Variants in PGCKA1 observed in about 807,000 individuals in gnomAD.
PGCKA1 encodes PDCD10 and GCKIII kinases associated 1.
chr4:37,456,451 T>C, the PGCKA1 span, among the ~76,000 whole-genome samples: 1 of 152,216 alleles, frequency 6.6e-6, no homozygotes, highest in African/African-American at 2.4e-5. Context: ...ATACGTGTCC[T>C]GAAACAGAAA....
chr4:37,473,316 T>C, the PGCKA1 span, among the ~76,000 whole-genome samples: 2 of 152,218 alleles, frequency 1.3e-5, no homozygotes, highest in Non-Finnish European at 1.5e-5. Flanking sequence ...TTTTAGATAT[T>C]CATTATGTTT....
At chr4:37,521,207 G>A in the PGCKA1 span, among the ~76,000 whole-genome samples, 14 of 152,114 alleles carry the variant, frequency 9.2e-5, no homozygotes, top group East Asian at 1.2e-3. Flanking sequence ...AGCTATAAAC[G>A]TCCCTCTTAG....
At chr4:37,570,040 C>T in the PGCKA1 span, among the ~76,000 whole-genome samples, 1 of 136,968 alleles carries the variant, frequency 7.3e-6, no homozygotes, top group Non-Finnish European at 1.5e-5. Context: ...AGTACAGTGG[C>T]GCCATCTCGG....
chr4:37,538,157 T>G, the PGCKA1 span, among the ~76,000 whole-genome samples: 2 of 152,146 alleles, frequency 1.3e-5, no homozygotes, highest in Admixed American at 6.5e-5. Flanking sequence ...CAACTGGGAC[T>G]GGATCCAGTG....
the PGCKA1 span, among the ~76,000 whole-genome samples, chr4:37,459,405 A>T: frequency 2.6e-5 from 4 of 152,196 alleles, no homozygotes; most frequent in African/African-American, 9.7e-5. Context: ...ATCTCAAAAG[A>T]TCCTCACGTC....
chr4:37,480,054 A>G, the PGCKA1 span, among the ~76,000 whole-genome samples: 5 of 152,384 alleles, frequency 3.3e-5, no homozygotes, highest in South Asian at 1.0e-3. Context: ...ATAGAATTGA[A>G]TGATTCAAGG....
the PGCKA1 span, among the ~76,000 whole-genome samples, chr4:37,528,617 TA>T: frequency 6.6e-6 from 1 of 151,092 alleles, no homozygotes; most frequent in African/African-American, 2.4e-5. Context: ...TTTTAAAAAC[TA>T]AAAAAAAAGC....
chr4:37,510,445 G>C, the PGCKA1 span, among the ~76,000 whole-genome samples: 1 of 152,122 alleles, frequency 6.6e-6, no homozygotes, highest in Admixed American at 6.5e-5. Context: ...GATCACTGTG[G>C]TTCTTCCTAA....
At chr4:37,465,261 A>G in the PGCKA1 span, among the ~76,000 whole-genome samples, 1 of 152,160 alleles carries the variant, frequency 6.6e-6, no homozygotes, top group African/African-American at 2.4e-5. Context: ...AATGTGTAGA[A>G]TAAAACCTAA....
the PGCKA1 span, among the ~76,000 whole-genome samples, chr4:37,481,844 G>T: frequency 1.3e-5 from 2 of 152,130 alleles, no homozygotes; most frequent in Admixed American, 6.5e-5. Flanking sequence ...GAAAGGACCC[G>T]GTGGCAGGTA....
At chr4:37,462,870 C>T in the PGCKA1 span, among the ~76,000 whole-genome samples, 150 of 150,334 alleles carry the variant, frequency 1.0e-3, 1 homozygote, top group Non-Finnish European at 2.0e-3. Flanking sequence ...GTGGCAGGTG[C>T]CTGTAGTCCC....
At chr4:37,522,929 G>A in the PGCKA1 span, among the ~76,000 whole-genome samples, 10,052 of 152,018 alleles carry the variant, frequency 0.066, 586 homozygotes, top group South Asian at 0.24. Context: ...TTGGAGCCAG[G>A]AGCCATGCAG....
chr4:37,469,549 C>G, the PGCKA1 span, among the ~76,000 whole-genome samples: 1 of 152,062 alleles, frequency 6.6e-6, no homozygotes, highest in Non-Finnish European at 1.5e-5. Context: ...TACAAGACAA[C>G]ACATAGAAAA....
the PGCKA1 span, among the ~76,000 whole-genome samples, chr4:37,487,592 A>G: frequency 3.3e-5 from 5 of 152,202 alleles, no homozygotes; most frequent in African/African-American, 1.2e-4. Flanking sequence ...CCATCAAGAT[A>G]TATAGAAAAC....
At chr4:37,475,273 C>T in the PGCKA1 span, among the ~76,000 whole-genome samples, 5 of 152,244 alleles carry the variant, frequency 3.3e-5, no homozygotes, top group African/African-American at 1.2e-4. Context: ...TTATACAGTT[C>T]ATAGAAACAA....
At chr4:37,465,368 T>C in the PGCKA1 span, among the ~76,000 whole-genome samples, 2 of 151,924 alleles carry the variant, frequency 1.3e-5, no homozygotes, top group Non-Finnish European at 2.9e-5. Context: ...ACAATCTTGG[T>C]GGGAGACAGG....
At chr4:37,459,822 G>GT in the PGCKA1 span, among the ~76,000 whole-genome samples, 51 of 140,322 alleles carry the variant, frequency 3.6e-4, no homozygotes, top group African/African-American at 6.4e-4. Context: ...TTTTAGCTTG[G>GT]TTTTTTTTTT....
chr4:37,502,566 A>G, the PGCKA1 span, among the ~76,000 whole-genome samples: 1 of 152,132 alleles, frequency 6.6e-6, no homozygotes, highest in Non-Finnish European at 1.5e-5. Flanking sequence ...TGAAATGGCA[A>G]TACAGCAGGG....
At chr4:37,511,501 G>T in the PGCKA1 span, among the ~76,000 whole-genome samples, 1 of 152,042 alleles carries the variant, frequency 6.6e-6, no homozygotes. Flanking sequence ...TTCATCCAAG[G>T]GCTAGGTCCC....
Sources: allele counts gnomAD v4.1 joint callset (sites outside exome capture counted in the v4.1 genomes callset), GRCh38; gene constraint gnomAD v4.1.1; transcripts MANE v1.5; gene names NCBI Gene and HGNC (gene_info 2026-07-23, HGNC 2026-07-21).